The following EXT2 variants were observed in gnomAD, a reference collection of about 807,000 sequenced individuals.
EXT2 encodes the protein exostosin-2.
Under a neutral mutation model 81.6 loss-of-function variants are expected in EXT2, and 53 were observed. That is an observed-to-expected ratio of 0.65 (90% CI 0.52 to 0.82). EXT2 has a LOEUF of 0.82. EXT2 is among the 40% of genes least tolerant of loss of function. The pLI, the probability that EXT2 is intolerant of heterozygous loss-of-function variation, is 0.00. For missense variants in EXT2, 774 were observed against 910.2 expected, an observed-to-expected ratio of 0.85 and a Z score of 1.93; for synonymous variants, 320 against 340.0, an observed-to-expected ratio of 0.94 and a Z score of 0.65.
intron 7 of EXT2, among the ~76,000 whole-genome samples, chr11:44,167,362 C>T (rs904155301): frequency 6.6e-6 from 1 of 152,152 alleles, no homozygotes; most frequent in African/African-American, 2.4e-5. Flanking sequence ...ATTTCAGCAG[C>T]CATATACAGT....
At chr11:44,215,397 G>T (rs1490704621) in intron 10 of EXT2, among the ~76,000 whole-genome samples, 1 of 152,094 alleles carries the variant, frequency 6.6e-6, no homozygotes, top group Non-Finnish European at 1.5e-5. Flanking sequence ...ACTTTTGTCA[G>T]ATTTTTAAGT....
chr11:44,113,363 G>A (rs920800024), intron 3 of EXT2, among the ~76,000 whole-genome samples: 13 of 152,142 alleles, frequency 8.5e-5, no homozygotes, highest in African/African-American at 2.9e-4. Context: ...AAGTGATTTC[G>A]ATGGGTTTGG....
At chr11:44,197,368 C>A (rs188079644) in intron 8 of EXT2, among the ~76,000 whole-genome samples, 1 of 152,260 alleles carries the variant, frequency 6.6e-6, no homozygotes, top group Admixed American at 6.5e-5. Context: ...ATCGCTGCCT[C>A]CCCTCCTGGT....
At chr11:44,216,992 C>T (rs988390088) in intron 10 of EXT2, among the ~76,000 whole-genome samples, 1 of 146,486 alleles carries the variant, frequency 6.8e-6, no homozygotes, top group African/African-American at 2.6e-5. Flanking sequence ...AACAAGGCTG[C>T]GGCACACTAG....
intron 7 of EXT2, among the ~76,000 whole-genome samples, chr11:44,160,538 AC>A (rs1166163948): frequency 2.0e-5 from 3 of 152,234 alleles, no homozygotes; most frequent in African/African-American, 7.2e-5. Flanking sequence ...AATACCATGA[AC>A]AAAGTAATGA....
At chr11:44,098,168 C>A (rs1342786872) in intron 1 of EXT2, among the ~76,000 whole-genome samples, 1 of 152,118 alleles carries the variant, frequency 6.6e-6, no homozygotes, top group Non-Finnish European at 1.5e-5. Flanking sequence ...ATTTTAACTT[C>A]TTGGTGGTAG....
intron 8 of EXT2, among the ~76,000 whole-genome samples, chr11:44,182,396 A>G (rs1289804900): frequency 6.6e-6 from 1 of 151,696 alleles, no homozygotes; most frequent in East Asian, 1.9e-4. Flanking sequence ...TTTTATTATC[A>G]TTATCCTTGG....
intron 8 of EXT2, among the ~76,000 whole-genome samples, chr11:44,176,173 G>A (rs1016296991): frequency 6.6e-5 from 10 of 152,102 alleles, no homozygotes; most frequent in Admixed American, 5.9e-4. Context: ...AATTCATAAA[G>A]AATTCTGTCT....
chr11:44,210,911 T>G (rs1224042045), intron 10 of EXT2, among the ~76,000 whole-genome samples: 4 of 152,266 alleles, frequency 2.6e-5, no homozygotes, highest in African/African-American at 9.6e-5. Flanking sequence ...TTCAAAACAA[T>G]ACAGTCAAAA....
intron 7 of EXT2, among the ~76,000 whole-genome samples, chr11:44,155,987 A>G (rs2135093979): frequency 6.6e-6 from 1 of 152,272 alleles, no homozygotes; most frequent in East Asian, 1.9e-4. Context: ...TGTTTGAAGA[A>G]CATTTTTGCC....
At chr11:44,153,469 G>C (rs866108672) in intron 7 of EXT2, among the ~76,000 whole-genome samples, 2 of 151,748 alleles carry the variant, frequency 1.3e-5, no homozygotes, top group Middle Eastern at 6.9e-3. Flanking sequence ...AACAAAGACA[G>C]TTTTATTTCT....
chr11:44,169,037 T>A (rs1054282487), intron 7 of EXT2, among the ~76,000 whole-genome samples: 1 of 152,012 alleles, frequency 6.6e-6, no homozygotes, highest in Non-Finnish European at 1.5e-5. Flanking sequence ...CTGACCAACA[T>A]GGTGAAACCC....
At chr11:44,126,593 T>C (rs995405280) in intron 5 of EXT2, among the ~76,000 whole-genome samples, 4 of 152,212 alleles carry the variant, frequency 2.6e-5, no homozygotes, top group South Asian at 2.1e-4. Flanking sequence ...AGTGGTGGCA[T>C]TGAAGCAATA....
intron 10 of EXT2, among the ~76,000 whole-genome samples, chr11:44,209,099 A>G (rs1164205131): frequency 6.6e-6 from 1 of 152,222 alleles, no homozygotes; most frequent in Admixed American, 6.5e-5. Flanking sequence ...TCATTCTTAC[A>G]TAAAATGGTA....
intron 10 of EXT2, among the ~76,000 whole-genome samples, chr11:44,213,163 A>G (rs986762929): frequency 2.6e-5 from 4 of 152,232 alleles, no homozygotes; most frequent in Non-Finnish European, 5.9e-5. Flanking sequence ...AGCAGTGACC[A>G]AAAGTTCATT....
At chr11:44,164,470 G>T (rs1482089156) in intron 7 of EXT2, among the ~76,000 whole-genome samples, 1 of 152,114 alleles carries the variant, frequency 6.6e-6, no homozygotes, top group Non-Finnish European at 1.5e-5. Context: ...TGCCACACTG[G>T]CTTCTCTTAA....
rs16937864 is a variant in EXT2 at position 44,232,451 on chromosome 11, G to C, written c.1761G>C (p.Thr587=). The change falls in exon 11 of 14, where the codon ACG becomes ACC. Residue 587 remains threonine (T), a synonymous_variant. Coordinates refer to ENST00000533608, the MANE Select transcript of EXT2 (RefSeq NM_207122.2). ...MNKWKYESEW[T]NEVSMVLTGA... is the part of the protein sequence containing the mutation. ...AGTGGAAGTATGAGTCTGAGTGGAC[G>C]AATGAAGTGTCCATGGTGCTCACTG... 6.2e-7 allele frequency: 1 copy of C among 1,613,910 alleles called. No homozygotes were observed. The highest frequency in any genetic ancestry group is 1.3e-5 in the African/African-American group (1 of 74,896).
chr11:44,129,684 G>T (rs1372141030), intron 6 of EXT2, among the ~76,000 whole-genome samples: 2 of 152,238 alleles, frequency 1.3e-5, no homozygotes, highest in African/African-American at 4.8e-5. Flanking sequence ...CGGAATAAAG[G>T]AAGAGTGTAC....
Position 44,108,084 on chromosome 11 carries a change from C to T in EXT2, c.372C>T (p.Asn124=), listed in dbSNP as rs1954085299. The part of the protein sequence containing the change: ...YVDDFGVSVS[N]TISREYNELL... ...ATGACTTTGGCGTCTCTGTCAGCAACACCATCTCCCGGGAGTATAATGAAC... is the reference window on the plus strand; with the variant it reads ...ATGACTTTGGCGTCTCTGTCAGCAATACCATCTCCCGGGAGTATAATGAAC... The change falls in exon 2 of 14, where the codon AAC becomes AAT. Residue 124 remains asparagine, a synonymous_variant. Transcript: ENST00000533608. 1 of 1,614,092 alleles carries T rather than the reference C, an allele frequency of 6.2e-7. No individual in the cohort carries two copies. The highest frequency in any genetic ancestry group is 8.5e-7 in the Non-Finnish European group (1 of 1,180,048).
Sources: allele counts gnomAD v4.1 joint callset (sites outside exome capture counted in the v4.1 genomes callset), GRCh38; gene constraint gnomAD v4.1.1; transcripts MANE v1.5; gene names NCBI Gene and HGNC (gene_info 2026-07-23, HGNC 2026-07-21).